Variants in TTLL5 observed in about 807,000 individuals in gnomAD.
TTLL5 encodes the protein tubulin tyrosine ligase like 5, also known as tubulin polyglutamylase TTLL5.
Under a neutral mutation model 168.4 loss-of-function variants are expected in TTLL5, and 132 were observed. That is an observed-to-expected ratio of 0.78 (90% confidence interval 0.68 to 0.91). The LOEUF is 0.91. Among genes scored for constraint, TTLL5 ranks in the 40% least tolerant of loss-of-function variants. The probability of loss-of-function intolerance (pLI) is 0.00; values close to 1 mark genes in which losing one functional copy is unlikely to be tolerated. For missense variants in TTLL5, 1,545 were observed against 1,581.5 expected (o/e 0.98, Z 0.39); for synonymous variants, 546 against 558.6 (o/e 0.98, Z 0.32).
intron 28 of TTLL5, among the ~76,000 whole-genome samples, chr14:75,836,995 C>T (rs919269451): frequency 1.8e-4 from 28 of 152,288 alleles, no homozygotes; most frequent in African/African-American, 6.3e-4. Flanking sequence ...ATTACTGTAA[C>T]ATTTAGTGGC....
chr14:75,787,618 A>C (rs1018958182), intron 26 of TTLL5, among the ~76,000 whole-genome samples: 1 of 152,236 alleles, frequency 6.6e-6, no homozygotes, highest in Non-Finnish European at 1.5e-5. Context: ...AAAATGCAGA[A>C]AGGATAAAGA....
chr14:75,726,023 C>T (rs1250680853), intron 12 of TTLL5, among the ~76,000 whole-genome samples: 1 of 152,194 alleles, frequency 6.6e-6, no homozygotes, highest in East Asian at 1.9e-4. Context: ...AATAGCATTT[C>T]AGTGACAGTG....
chr14:75,818,520 C>A (rs1313810247), intron 27 of TTLL5: 1 of 374,720 alleles, frequency 2.7e-6, no homozygotes. Flanking sequence ...TGGAGTCTCA[C>A]TCTGTCACCC....
At chr14:75,808,283 T>C (rs903027477) in intron 27 of TTLL5, among the ~76,000 whole-genome samples, 2 of 152,168 alleles carry the variant, frequency 1.3e-5, no homozygotes, top group Non-Finnish European at 2.9e-5. Flanking sequence ...GCCAAGAGAA[T>C]TTAGTGCTGA....
At chr14:75,844,475 T>A (rs1363170722) in intron 28 of TTLL5, among the ~76,000 whole-genome samples, 2 of 152,230 alleles carry the variant, frequency 1.3e-5, no homozygotes, top group Non-Finnish European at 2.9e-5. Context: ...GTTATGATTT[T>A]CTGTTTCTCA....
intron 18 of TTLL5, among the ~76,000 whole-genome samples, chr14:75,764,108 C>T (rs528252326): frequency 6.6e-6 from 1 of 152,246 alleles, no homozygotes; most frequent in Non-Finnish European, 1.5e-5. Flanking sequence ...TGCTCCCTCA[C>T]GTATTCACAG....
At chr14:75,834,385 G>T (rs1056288421) in intron 28 of TTLL5, among the ~76,000 whole-genome samples, 1 of 152,146 alleles carries the variant, frequency 6.6e-6, no homozygotes, top group African/African-American at 2.4e-5. Context: ...TTATCCCATT[G>T]TCAGCCCTTT....
At chr14:75,911,114 G>A (rs1036485108) in intron 31 of TTLL5, among the ~76,000 whole-genome samples, 3 of 152,094 alleles carry the variant, frequency 2.0e-5, no homozygotes, top group Non-Finnish European at 4.4e-5. Flanking sequence ...TGCAACTTCC[G>A]CCTCCCAGGT....
rs2034707416 is a variant in TTLL5, at chr14:75,944,470, T to C, written c.3824-9954T>C. ...ACCAACCCACGGAGCCTCCCTGCCC[T>C]GACAGCTAGCAACAGGCCAAAACCC... On this transcript the variant is annotated intron_variant, in intron 31 of 31. Transcript: ENST00000298832. Among the ~76,000 whole-genome samples the C allele has an allele frequency of 2.0e-5, 3 of 152,158 alleles. 1 individual carries two copies. In the South Asian group the frequency reaches 6.2e-4, roughly 32 times the overall value.
rs766660694 is a variant in TTLL5 at position 75,737,454 on chromosome 14, G to A, written c.1281+2165G>A. ...ACAAAGTGTAGGGCTCTTGCTTTTG[G>A]TTTCTGCTTGGAGATTATTTTTTCC... On this transcript the variant is annotated intron_variant, in intron 15 of 31. Transcript: ENST00000298832. 83 of 1,097,952 alleles carry A rather than the reference G, an allele frequency of 7.6e-5. 1 individual carries two copies. The highest frequency in any genetic ancestry group is 9.0e-5 in the Non-Finnish European group (71 of 784,778). 68.0% of individuals were successfully genotyped at this position (1,097,952 alleles called of 1,614,324 possible). A position where few individuals can be genotyped will look rare whatever the true frequency, so the allele number is the denominator to read the frequency against.
chr14:75,675,069 C>A (rs1365357188), intron 3 of TTLL5, among the ~76,000 whole-genome samples: 2 of 152,000 alleles, frequency 1.3e-5, no homozygotes, highest in Non-Finnish European at 2.9e-5. Context: ...ATTGTTTCTT[C>A]CCCTCCCCAC....
At chr14:75,853,980 T>A (rs1295725787) in intron 28 of TTLL5, among the ~76,000 whole-genome samples, 1 of 151,678 alleles carries the variant, frequency 6.6e-6, no homozygotes, top group Non-Finnish European at 1.5e-5. Flanking sequence ...GAGGCAGAGG[T>A]TGCAGTGAGC....
chr14:75,938,157 A>G (rs569758990), intron 31 of TTLL5, among the ~76,000 whole-genome samples: 1 of 152,396 alleles, frequency 6.6e-6, no homozygotes, highest in South Asian at 2.1e-4. Context: ...TGAGTGGGAC[A>G]GACAATACTG....
At chr14:75,771,674 A>G (rs1013666438) in intron 20 of TTLL5, 60 bp from the exon 21 acceptor site, 7 of 1,604,626 alleles carry the variant, frequency 4.4e-6, no homozygotes, top group African/African-American at 4.0e-5. Context: ...AGAAGCAAGT[A>G]CACATTTTGT....
chr14:75,863,139 A>G (rs1006667934), intron 28 of TTLL5, among the ~76,000 whole-genome samples: 5 of 152,210 alleles, frequency 3.3e-5, no homozygotes, highest in African/African-American at 7.2e-5. Context: ...CACACCATTT[A>G]TGTTACCCAG....
At chr14:75,806,525 A>G (rs1196744720) in intron 27 of TTLL5, among the ~76,000 whole-genome samples, 1 of 152,240 alleles carries the variant, frequency 6.6e-6, no homozygotes, top group Non-Finnish European at 1.5e-5. Flanking sequence ...CAGCTCAACT[A>G]GAATTTCTGT....
intron 28 of TTLL5, among the ~76,000 whole-genome samples, chr14:75,851,924 G>T (rs1896877221): frequency 6.6e-6 from 1 of 152,108 alleles, no homozygotes; most frequent in African/African-American, 2.4e-5. Context: ...CGAAAGCTTG[G>T]GTTCACTTTC....
At chr14:75,952,506 C>G (rs887020129) in intron 31 of TTLL5, among the ~76,000 whole-genome samples, 1 of 152,170 alleles carries the variant, frequency 6.6e-6, no homozygotes, top group African/African-American at 2.4e-5. Context: ...GCAATTAATT[C>G]CACTTCCGTA....
Position 75,687,942 on chromosome 14 carries a change from G to A in TTLL5, c.372-2250G>A, listed in dbSNP as rs1885189387. 2.0e-5 allele frequency among the ~76,000 whole-genome samples: 3 copies of A among 152,188 alleles called. No homozygotes were observed. The South Asian group carries it at 6.2e-4, about 32-fold the overall frequency. On this transcript the variant is annotated intron_variant, in intron 5 of 31. Transcript: ENST00000298832. ...AAAAGCCAGAAAACACCAAGTGTGG[G>A]CCAGGATGCATGGCAACTGGAACAC...
Sources: gnomAD v4.1 joint callset for allele counts (sites outside exome capture counted in the v4.1 genomes callset) on GRCh38, gnomAD v4.1.1 for gene constraint, MANE v1.5 for transcripts, NCBI Gene and HGNC (gene_info 2026-07-23, HGNC 2026-07-21) for gene names.